Variants in ING5 observed in about 807,000 individuals in gnomAD.
ING5 encodes inhibitor of growth protein 5.
A neutral mutation model predicts 37.4 loss-of-function variants in ING5; 17 were observed. That is an observed-to-expected ratio of 0.45 (90% confidence interval 0.31 to 0.68). ING5 has a LOEUF of 0.68. Ranked by LOEUF, ING5 falls within the 30% of genes least tolerant of loss-of-function variation. The pLI is 0.05. For synonymous variants in ING5, 123 were observed against 116.6 expected (o/e 1.06, Z -0.36); for missense variants, 233 against 311.9 (o/e 0.75, Z 1.91).
At chr2:241,700,233 C>T (rs1039249073), upstream of ING5, among the ~76,000 whole-genome samples, 12 of 149,070 alleles carry the variant, frequency 8.0e-5, no homozygotes, top group East Asian at 6.0e-4. Flanking sequence ...CTCGGCTCAC[C>T]GCAAGCTCAG....
intron 2 of ING5, among the ~76,000 whole-genome samples, chr2:241,707,061 G>A (rs1009757149): frequency 1.3e-5 from 2 of 149,970 alleles, no homozygotes; most frequent in Non-Finnish European, 2.9e-5. Flanking sequence ...CCAGGTTCAA[G>A]TGATTCTCCT....
In ING5 at chr2:241,721,092, G is replaced by T. The variant is rs564084078; in HGVS notation, c.483-1847G>T. On this transcript the variant is annotated intron_variant, in intron 5 of 7. Transcript: ENST00000313552. ...GGACAGAATTGGACTCGGCGCAGAA[G>T]AGGAGGGCGTCAGCGTTTCGGGGAC... 197 of 985,672 alleles carry T rather than the reference G, an allele frequency of 2.0e-4. 1 individual carries two copies. The highest frequency in any genetic ancestry group is 2.3e-4 in the Non-Finnish European group (192 of 830,104). 61.1% of individuals were successfully genotyped at this position (985,672 alleles called of 1,614,324 possible).
intron 2 of ING5, among the ~76,000 whole-genome samples, chr2:241,706,250 C>T (rs1180246378): frequency 6.6e-6 from 1 of 152,132 alleles, no homozygotes; most frequent in African/African-American, 2.4e-5. Context: ...TTCCCTGAAT[C>T]TTAAATGTCT....
At chr2:241,708,459 G>A (rs562933259) in intron 2 of ING5, among the ~76,000 whole-genome samples, 3 of 151,848 alleles carry the variant, frequency 2.0e-5, no homozygotes, top group Non-Finnish European at 2.9e-5. Flanking sequence ...TGCCCGCCTC[G>A]GCCTCCAAAA....
At chr2:241,700,197 C>T (rs1393566265), upstream of ING5, among the ~76,000 whole-genome samples, 1 of 142,112 alleles carries the variant, frequency 7.0e-6, no homozygotes, top group Non-Finnish European at 1.5e-5. Context: ...TGCTCTGTCG[C>T]CCAGGCTGGA....
At chr2:241,689,508 A>G (rs983428731) in intron 1 of ING5, among the ~76,000 whole-genome samples, 10 of 152,170 alleles carry the variant, frequency 6.6e-5, no homozygotes, top group African/African-American at 2.4e-4. Flanking sequence ...GAAGCTTTAA[A>G]GGGTGTTTTG....
intron 5 of ING5, 125 bp from the exon 6 acceptor site, chr2:241,722,814 G>A: frequency 1.3e-6 from 2 of 1,525,546 alleles, no homozygotes; most frequent in Non-Finnish European, 1.8e-6. Flanking sequence ...TTCCCCCTTG[G>A]AATGATTGTC....
At chr2:241,718,169 C>T (rs1009403553) in intron 5 of ING5, among the ~76,000 whole-genome samples, 1 of 152,096 alleles carries the variant, frequency 6.6e-6, no homozygotes, top group Non-Finnish European at 1.5e-5. Flanking sequence ...AGCGTCACCA[C>T]ACCCGGCTAA....
rs748452347 is a variant in ING5, at chr2:241,693,252, C to CAAAAA, written c.43+2615_43+2619dup. Among the ~76,000 whole-genome samples, 524 of 59,260 alleles carry CAAAAA rather than the reference C, an allele frequency of 8.8e-3. 8 individuals are homozygous for CAAAAA. Among genetic ancestry groups the CAAAAA allele is most frequent in the Non-Finnish European group, 0.014 (397 of 27,408 alleles). 38.9% of individuals were successfully genotyped at this position (59,260 alleles called of 152,430 possible). A position where few individuals can be genotyped will look rare whatever the true frequency, so the allele number is the denominator to read the frequency against. On this transcript the variant is annotated intron_variant, in intron 2 of 7. Coordinates refer to the ING5 transcript ENST00000636051. ...CCTGGGCGACAGGGCGAGACTGTCTCAAAAAAAAAAAAAAAAAAAAGCAAA... is the reference window on the plus strand; with the variant it reads ...CCTGGGCGACAGGGCGAGACTGTCTCAAAAAAAAAAAAAAAAAAAAAAAAAGCAAA...
intron 1 of ING5, chr2:241,689,763 T>C (rs747840544): frequency 2.0e-5 from 3 of 152,234 alleles, no homozygotes; most frequent in Non-Finnish European, 4.4e-5. Context: ...TTCCCTTACA[T>C]AGATAAGTAA....
At chr2:241,719,712 G>A (rs1575138763) in intron 5 of ING5, 1 of 1,495,146 alleles carries the variant, frequency 6.7e-7, no homozygotes, top group Non-Finnish European at 8.9e-7. Context: ...TGAGGGCTCT[G>A]CCCAGCTTCA....
Position 241,726,623 on chromosome 2 carries a change from A to G in ING5, c.*1592A>G. 6.6e-6 allele frequency: 1 copy of G among 152,570 alleles called. No homozygotes were observed. 9.5% of individuals were successfully genotyped at this position (152,570 alleles called of 1,614,324 possible). On this transcript the variant is annotated 3_prime_UTR_variant, in exon 8 of 8. Transcript: ENST00000313552. ...CCGGGCGCAGGTGCCAGGCAGGTGC[A>G]GGCGGGCGGTCGGCCACTGCTGCTG...
intron 5 of ING5, chr2:241,720,291 G>A (rs561001470): frequency 2.9e-4 from 356 of 1,226,812 alleles, no homozygotes; most frequent in Non-Finnish European, 3.5e-4. Flanking sequence ...CACGCCCCTC[G>A]TGGTCACGCT....
intron 5 of ING5, among the ~76,000 whole-genome samples, chr2:241,717,732 A>T: frequency 2.0e-5 from 3 of 147,142 alleles, no homozygotes; most frequent in African/African-American, 5.0e-5. Flanking sequence ...TCTCATTGTC[A>T]CTGGCTCTTA....
chr2:241,704,315 C>G (rs979868401), intron 1 of ING5, among the ~76,000 whole-genome samples: 1 of 152,168 alleles, frequency 6.6e-6, no homozygotes, highest in Non-Finnish European at 1.5e-5. Flanking sequence ...CACCTGTAAT[C>G]CCAGCACTTT....
chr2:241,699,653 G>A (rs957878479), upstream of ING5, among the ~76,000 whole-genome samples: 28 of 151,908 alleles, frequency 1.8e-4, no homozygotes, highest in African/African-American at 6.3e-4. Context: ...GACCAGCAAC[G>A]TTGCATCTCG....
In ING5 at chr2:241,723,260, C is replaced by G; in HGVS notation, c.669C>G (p.Pro223=). 1 of 1,614,190 alleles carries G rather than the reference C, an allele frequency of 6.2e-7. No individual in the cohort carries two copies. Among genetic ancestry groups the G allele is most frequent in the African/African-American group, 1.3e-5 (1 of 75,066 alleles). ...CCTGCGTGGACCTTACCACGAAACC[C>G]AAAGGAAAATGGTGAGTGTGGGGAC... ...HFACVDLTTK[P]KGKWFCPRCV... The change falls in exon 7 of 8, where the codon CCC becomes CCG. Residue 223 remains proline, a synonymous_variant. Transcript: ENST00000313552.
rs537294968 is a variant in ING5 at position 241,708,369 on chromosome 2, G to A, written c.110-847G>A. Among the ~76,000 whole-genome samples, 256 of 151,364 alleles carry A rather than the reference G, an allele frequency of 1.7e-3. 1 individual carries two copies. Among genetic ancestry groups the A allele is most frequent in the African/African-American group, 5.7e-3 (234 of 41,230 alleles). Reference sequence around the variant, plus strand: ...ACTATAGGCACCCGCCACCACGCCCGGCTAATTTTTTGTATTTTTAGTAGA... The same window carrying A: ...ACTATAGGCACCCGCCACCACGCCCAGCTAATTTTTTGTATTTTTAGTAGA... On this transcript the variant is annotated intron_variant, in intron 2 of 7. Transcript: ENST00000313552.
rs1325445081 is a variant in ING5 at position 241,728,006 on chromosome 2, T to C, written c.*2975T>C. ...TGCTTAGTGTTTTTAATGTTTACTT[T>C]TGCCACTTACAATAATATCACCAAA... On this transcript the variant is annotated 3_prime_UTR_variant, in exon 8 of 8. Transcript: ENST00000313552. 6.6e-6 allele frequency: 1 copy of C among 152,286 alleles called. No homozygotes were observed. The highest frequency in any genetic ancestry group is 1.5e-5 in the Non-Finnish European group (1 of 68,052). The allele number at this position is 152,286 out of a possible 1,614,324, so 9.4% of individuals were successfully genotyped here.
Sources: gnomAD v4.1 joint callset for allele counts (sites outside exome capture counted in the v4.1 genomes callset) on GRCh38, gnomAD v4.1.1 for gene constraint, MANE v1.5 for transcripts, NCBI Gene and HGNC (gene_info 2026-07-23, HGNC 2026-07-21) for gene names.